The following SPIDR variants were observed in gnomAD, a reference collection of about 807,000 sequenced individuals.
SPIDR encodes the protein DNA repair-scaffolding protein.
A neutral mutation model predicts 104.6 loss-of-function variants in SPIDR; 93 were observed. That is an observed-to-expected ratio of 0.89 (90% confidence interval 0.75 to 1.06). The LOEUF is 1.06. Among genes scored for constraint, SPIDR ranks in the 50% least tolerant of loss-of-function variants. The pLI is 0.00. For synonymous variants in SPIDR, 431 were observed against 416.9 expected, an observed-to-expected ratio of 1.03 and a Z score of -0.41; for missense variants, 1,154 against 1,111.2, an observed-to-expected ratio of 1.04 and a Z score of -0.55.
intron 7 of SPIDR, among the ~76,000 whole-genome samples, chr8:47,432,966 G>A (rs138821706): frequency 1.3e-5 from 2 of 152,220 alleles, no homozygotes; most frequent in Non-Finnish European, 2.9e-5. Flanking sequence ...TAACTAAGAG[G>A]CATCTCAGTC....
chr8:47,610,572 C>T (rs952212691), intron 10 of SPIDR, among the ~76,000 whole-genome samples: 2 of 152,220 alleles, frequency 1.3e-5, no homozygotes, highest in African/African-American at 4.8e-5. Flanking sequence ...AGACCCAGAG[C>T]ACTTGGTGCA....
At chr8:47,553,315 C>T (rs1014640840) in intron 8 of SPIDR, among the ~76,000 whole-genome samples, 3 of 152,168 alleles carry the variant, frequency 2.0e-5, no homozygotes, top group African/African-American at 7.2e-5. Flanking sequence ...GGGAAGTTCT[C>T]CTGGATAATA....
At chr8:47,709,110 T>C (rs777454459) in intron 14 of SPIDR, among the ~76,000 whole-genome samples, 1 of 152,038 alleles carries the variant, frequency 6.6e-6, no homozygotes, top group African/African-American at 2.4e-5. Flanking sequence ...GTAGCTGGGA[T>C]TACAGGCATC....
At chr8:47,308,325 A>C (rs976699739) in intron 5 of SPIDR, among the ~76,000 whole-genome samples, 3 of 148,856 alleles carry the variant, frequency 2.0e-5, no homozygotes, top group Non-Finnish European at 4.4e-5. Context: ...AGCCTCCCAA[A>C]GTGCTGAGAT....
chr8:47,694,077 G>T (rs551245207), intron 11 of SPIDR, among the ~76,000 whole-genome samples: 1 of 152,260 alleles, frequency 6.6e-6, no homozygotes, highest in Admixed American at 6.5e-5. Flanking sequence ...TTTTTATGTC[G>T]AGTGTGGAGC....
intron 8 of SPIDR, among the ~76,000 whole-genome samples, chr8:47,590,261 A>G (rs2060842593): frequency 6.6e-6 from 1 of 151,604 alleles, no homozygotes; most frequent in Non-Finnish European, 1.5e-5. Flanking sequence ...AAGAACTTAG[A>G]TTATTGATTT....
intron 14 of SPIDR, among the ~76,000 whole-genome samples, chr8:47,710,871 T>C (rs2081780942): frequency 6.6e-6 from 1 of 151,750 alleles, no homozygotes; most frequent in Non-Finnish European, 1.5e-5. Context: ...CATTGACCTC[T>C]TGGGCCCAAG....
chr8:47,729,426 C>A lies in SPIDR; in HGVS notation c.2565C>A (p.Ser855Arg). ...TGCTGTTGCAGCTGTTGCAGCGCAG[C>A]ATTTCCTCCCTGCTGAGGTTTGCCG... ...CRVKVKLLQRSISSLLRFAAG... is the reference protein window; with the variant it reads ...CRVKVKLLQRRISSLLRFAAG... Residue 855 changes from serine (S) to arginine (R), a missense_variant, in exon 19 of 20, where the codon AGC becomes AGA. Ser to Arg is a moderately radical substitution (Grantham distance 110). Transcript: ENST00000297423. 6.3e-7 allele frequency: 1 copy of A among 1,596,140 alleles called. No homozygotes were observed. The highest frequency in any genetic ancestry group is 1.1e-5 in the South Asian group (1 of 87,480).
chr8:47,306,466 A>T (rs1277114570), intron 5 of SPIDR, among the ~76,000 whole-genome samples: 1 of 152,168 alleles, frequency 6.6e-6, no homozygotes, highest in African/African-American at 2.4e-5. Flanking sequence ...TTAAAGGCTG[A>T]ATAATATTCC....
At chr8:47,662,101 G>T (rs1050920313) in intron 10 of SPIDR, among the ~76,000 whole-genome samples, 22 of 152,226 alleles carry the variant, frequency 1.4e-4, no homozygotes, top group African/African-American at 5.3e-4. Context: ...CCTCAGGCCA[G>T]TGCAGGCGCT....
At chr8:47,482,194 G>A (rs782440973) in intron 8 of SPIDR, among the ~76,000 whole-genome samples, 1 of 152,106 alleles carries the variant, frequency 6.6e-6, no homozygotes, top group South Asian at 2.1e-4. Flanking sequence ...TCTCTCAAAC[G>A]CATATTCATT....
chr8:47,429,695 G>T (rs945839269), intron 7 of SPIDR, among the ~76,000 whole-genome samples: 6 of 151,872 alleles, frequency 4.0e-5, no homozygotes, highest in Admixed American at 6.6e-5. Flanking sequence ...GACCTATGTG[G>T]GTTACTTCAT....
chr8:47,712,700 G>A lies in SPIDR; in HGVS notation c.2016G>A (p.Trp672Ter). ...SLLLLEQREI[W>*]LLVTDVTLQT... The stretch of plus-strand genomic sequence containing the variant: ...TGCTTCTGGAGCAAAGGGAGATCTG[G>A]CTGCTAGTGACCGATGTCACTCTGC... The change falls in exon 15 of 20, where the codon TGG (tryptophan) becomes TGA (stop). Residue 672 changes from tryptophan (W) to a stop codon, truncating the protein, a stop_gained. Transcript: ENST00000297423. LOFTEE classifies it high-confidence loss of function. The A allele has an allele frequency of 3.1e-6, 5 of 1,614,116 alleles. No homozygotes were observed. The highest frequency in any genetic ancestry group is 3.4e-6 in the Non-Finnish European group (4 of 1,180,022).
Position 47,472,404 on chromosome 8 carries a change from G to A in SPIDR, c.1097+31862G>A, listed in dbSNP as rs538266354. Among the ~76,000 whole-genome samples the A allele has an allele frequency of 1.2e-4, 18 of 152,328 alleles. No homozygotes were observed. The South Asian group carries it at 3.7e-3, about 32-fold the overall frequency. On this transcript the variant is annotated intron_variant, in intron 8 of 19. Coordinates refer to ENST00000297423, the MANE Select transcript of SPIDR (RefSeq NM_001080394.4). ...ACCACTGATGAGGTGGCCACAGAGG[G>A]AGAAGTGATGACCAGCGTTCCAGGA...
At chr8:47,454,167 C>T (rs564381399) in intron 8 of SPIDR, among the ~76,000 whole-genome samples, 5 of 152,266 alleles carry the variant, frequency 3.3e-5, no homozygotes, top group Admixed American at 3.3e-4. Flanking sequence ...GCTATAAAGA[C>T]ACATGCGCAT....
intron 10 of SPIDR, among the ~76,000 whole-genome samples, chr8:47,634,911 A>G (rs2067656410): frequency 6.6e-6 from 1 of 152,214 alleles, no homozygotes; most frequent in East Asian, 1.9e-4. Context: ...TCCAGATTTC[A>G]CCAGTGCATC....
At chr8:47,378,585 G>A (rs2058957313) in intron 5 of SPIDR, among the ~76,000 whole-genome samples, 1 of 152,164 alleles carries the variant, frequency 6.6e-6, no homozygotes, top group African/African-American at 2.4e-5. Context: ...GTGGATAGTG[G>A]TGGTTCCTGA....
chr8:47,343,546 C>T (rs983739815), intron 5 of SPIDR, among the ~76,000 whole-genome samples: 1 of 152,124 alleles, frequency 6.6e-6, no homozygotes, highest in African/African-American at 2.4e-5. Flanking sequence ...ATTTCTTGTG[C>T]GCCAGTCTCT....
At chr8:47,715,936 A>G (rs2154490070) in intron 16 of SPIDR, among the ~76,000 whole-genome samples, 1 of 150,070 alleles carries the variant, frequency 6.7e-6, no homozygotes, top group Non-Finnish European at 1.5e-5. Flanking sequence ...AAGTGGCTAC[A>G]CTAGGGGTTT....
Sources: gnomAD v4.1 joint callset for allele counts (sites outside exome capture counted in the v4.1 genomes callset) on GRCh38, gnomAD v4.1.1 for gene constraint, MANE v1.5 for transcripts, NCBI Gene and HGNC (gene_info 2026-07-23, HGNC 2026-07-21) for gene names.